VWCE: variants seen among roughly 807,000 people sequenced by gnomAD.
The protein encoded by VWCE is von Willebrand factor C and EGF domains.
VWCE carries 68 observed loss-of-function variants against 102.9 expected under a neutral mutation model. That is an observed-to-expected ratio of 0.66 (90% CI 0.54 to 0.81). The LOEUF (loss-of-function observed/expected upper bound fraction) is 0.81. Among genes scored for constraint, VWCE ranks in the 30% least tolerant of loss-of-function variants. The pLI, the probability that VWCE is intolerant of heterozygous loss-of-function variation, is 0.00. For synonymous variants in VWCE, 497 were observed against 515.4 expected, an observed-to-expected ratio of 0.96 and a Z score of 0.48; for missense variants, 1,137 against 1,263.6, an observed-to-expected ratio of 0.90 and a Z score of 1.52.
At position 61,264,949 on chromosome 11, in the gene VWCE, A is replaced by G. The variant is rs1854466531; in HGVS notation, c.2139+7T>C. The G allele has an allele frequency of 6.2e-7, 1 of 1,613,356 alleles. No individual in the cohort carries two copies. The highest frequency in any genetic ancestry group is 1.1e-5 in the South Asian group (1 of 91,068). On this transcript the variant is annotated splice_region_variant and intron_variant, in intron 18 of 19. Coordinates refer to ENST00000335613, the MANE Select transcript of VWCE (RefSeq NM_152718.2). ...GGGCCGCTCCTGGGTTCCCAGGCCC[A>G]GCTCACCTGGCACGTGCACCGGGTG...
At chr11:61,262,896 G>A (rs1048048411) in intron 19 of VWCE, among the ~76,000 whole-genome samples, 4 of 152,244 alleles carry the variant, frequency 2.6e-5, no homozygotes, top group African/African-American at 9.6e-5. Context: ...CTGCAGTCCT[G>A]TGTTCACTGT....
Position 61,258,434 on chromosome 11 carries a change from G to C in VWCE, c.*241C>G. 7.9e-6 allele frequency: 3 copies of C among 380,022 alleles called. No homozygotes were observed. Among genetic ancestry groups the C allele is most frequent in the Non-Finnish European group, 9.1e-6 (2 of 220,310 alleles). 23.5% of individuals were successfully genotyped at this position (380,022 alleles called of 1,614,324 possible). On this transcript the variant is annotated 3_prime_UTR_variant, in exon 20 of 20. Coordinates refer to ENST00000335613, the MANE Select transcript of VWCE (RefSeq NM_152718.2). ...CCAACCCTTCTCAAAAGATGAGCCA[G>C]CCACGCGGTCCAGGGAGGATGCTGA... is the stretch of plus-strand genomic sequence containing the variant.
In VWCE at chr11:61,267,880, T is replaced by A. The variant is rs557204628; in HGVS notation, c.1883-336A>T. ...GAGGTGTGTGTGAGGCCCCACAGCA[T>A]CTTCCCAACCTCCTCTCTGCCCTCC... On this transcript the variant is annotated intron_variant, in intron 15 of 19. Coordinates refer to ENST00000335613, the MANE Select transcript of VWCE (RefSeq NM_152718.2). 2.0e-5 allele frequency among the ~76,000 whole-genome samples: 3 copies of A among 152,008 alleles called. No homozygotes were observed. The South Asian group carries it at 6.2e-4, about 32-fold the overall frequency.
rs773833904 is a variant in VWCE, at chr11:61,265,028, G to A, written c.2067C>T (p.Tyr689=). The A allele has an allele frequency of 2.2e-5, 35 of 1,614,002 alleles. No individual in the cohort carries two copies. Among genetic ancestry groups the A allele is most frequent in the African/African-American group, 1.5e-4 (11 of 74,916 alleles). ...GGCCATTCGCCACCTTCCTTCCCTC[G>A]TAGTTGCAGTCTGTGGAGGAAGGGG... The part of the protein sequence containing the change: ...ECCPVCRDCN[Y]EGRKVANGQV... The change falls in exon 18 of 20, where the codon TAC becomes TAT. Residue 689 remains tyrosine (Y), a synonymous_variant. Transcript: ENST00000335613.
chr11:61,282,636 G>A (rs917541280), intron 6 of VWCE, 153 bp downstream of exon 6: 32 of 670,104 alleles, frequency 4.8e-5, no homozygotes, highest in Non-Finnish European at 8.5e-5. Flanking sequence ...CCAACCCCAG[G>A]GACAGGCAGG....
In VWCE at chr11:61,280,802, G is replaced by C. The variant is rs774405071; in HGVS notation, c.1221C>G (p.Cys407Trp). 1.3e-6 allele frequency: 2 copies of C among 1,593,372 alleles called. No homozygotes were observed. The highest frequency in any genetic ancestry group is 1.7e-6 in the Non-Finnish European group (2 of 1,169,848). ...GACCCCTAGTACCCACCTCGCACCAGCACTGGGAACACCCAGGCTCTGTCC... is the reference window on the plus strand; with the variant it reads ...GACCCCTAGTACCCACCTCGCACCACCACTGGGAACACCCAGGCTCTGTCC... The part of the protein sequence containing the change: ...SRWTEPGCSQ[C>W]WCEDGKVTCE... Residue 407 changes from cysteine (C) to tryptophan (W), a missense_variant, in exon 8 of 20, where the codon TGC (cysteine) becomes TGG (tryptophan). Coordinates refer to ENST00000335613, the MANE Select transcript of VWCE (RefSeq NM_152718.2).
Position 61,272,484 on chromosome 11 carries a change from TACAC to T in VWCE, c.1699+711_1699+714del, listed in dbSNP as rs529781090. 3.8e-3 allele frequency among the ~76,000 whole-genome samples: 553 copies of T among 145,072 alleles called. 2 individuals carry two copies. The highest frequency in any genetic ancestry group is 6.5e-3 in the Non-Finnish European group (428 of 65,614). ...AGACACACTCATACTACACAAAACATACACATACATGCTCATACACAAAGACACA... is the reference window on the plus strand; with the variant it reads ...AGACACACTCATACTACACAAAACATATACATGCTCATACACAAAGACACA... On this transcript the variant is annotated intron_variant, in intron 13 of 19. Coordinates refer to ENST00000335613, the MANE Select transcript of VWCE (RefSeq NM_152718.2).
intron 1 of VWCE, among the ~76,000 whole-genome samples, chr11:61,293,914 T>G (rs777737704): frequency 3.9e-5 from 6 of 152,134 alleles, no homozygotes; most frequent in South Asian, 2.1e-4. Flanking sequence ...TGGCGGGAGC[T>G]GGCAGTGAAG....
chr11:61,291,269 C>A lies in VWCE; in HGVS notation c.290G>T (p.Cys97Phe). 2 of 1,582,048 alleles carry A rather than the reference C, an allele frequency of 1.3e-6. No individual in the cohort carries two copies. The highest frequency in any genetic ancestry group is 8.6e-7 in the Non-Finnish European group (1 of 1,162,748). The change falls in exon 3 of 20, where the codon TGC becomes TTC. Residue 97 changes from cysteine (C) to phenylalanine (F), a missense_variant. Transcript: ENST00000335613. ...SCQDGEQGAT[C>F]PETHGPCGEY... is the part of the protein sequence containing the mutation. The stretch of plus-strand genomic sequence containing the variant: ...CCCTTCCCATCCCCAGTTACCTGGG[C>A]AGGTGGCCCCTTGCTCTCCATCCTG...
intron 5 of VWCE, among the ~76,000 whole-genome samples, chr11:61,284,742 G>A (rs201613770): frequency 6.6e-6 from 1 of 151,976 alleles, no homozygotes; most frequent in African/African-American, 2.4e-5. Context: ...GAGGTCAGGA[G>A]TTCAAGACCA....
chr11:61,272,549 GAC>G (rs138162210), intron 13 of VWCE, among the ~76,000 whole-genome samples: 6 of 150,330 alleles, frequency 4.0e-5, no homozygotes, highest in East Asian at 2.0e-4. Flanking sequence ...TTAACACACT[GAC>G]ACACACACAC....
rs770509107 is a variant in VWCE at position 61,274,536 on chromosome 11, C to T, written c.1544G>A (p.Ser515Asn). 2 of 1,613,866 alleles carry T rather than the reference C, an allele frequency of 1.2e-6. No individual in the cohort carries two copies. The highest frequency in any genetic ancestry group is 2.2e-5 in the South Asian group (2 of 90,990). The change falls in exon 12 of 20, where the codon AGT (serine) becomes AAT (asparagine). Residue 515 changes from serine (S) to asparagine (N), a missense_variant. By Grantham distance (46) the Ser-to-Asn change is conservative. This residue lies in a region of VWCE where 212 missense variants were observed against 235.1 expected (regional missense o/e 0.90). Coordinates refer to ENST00000335613, the MANE Select transcript of VWCE (RefSeq NM_152718.2). ...GRWYADGAVF[S>N]GGGDECTTCV... is the part of the protein sequence containing the mutation. ...GGTGGTACACTCGTCACCACCCCCA[C>T]TGAACACAGCCCCGTCTGCGTACCA...
rs796723545 is a variant in VWCE, at chr11:61,274,481, G to A, written c.1581+18C>T. On this transcript the variant is annotated intron_variant, in intron 12 of 19. Coordinates refer to ENST00000335613, the MANE Select transcript of VWCE (RefSeq NM_152718.2). ...TCTCCATCAATTCCACAGGCTTTGG[G>A]ACGCTCAGCCACCATACCTGGCAAA... 5.6e-6 allele frequency: 9 copies of A among 1,611,200 alleles called. No homozygotes were observed. In the African/African-American group the frequency reaches 8.0e-5, roughly 14 times the overall value.
At chr11:61,269,741 C>T (rs1464449204) in intron 14 of VWCE, among the ~76,000 whole-genome samples, 10 of 151,872 alleles carry the variant, frequency 6.6e-5, no homozygotes, top group Non-Finnish European at 1.2e-4. Flanking sequence ...CCACCGCAAC[C>T]GGCCTCTTTT....
At chr11:61,260,976 G>A (rs1590606009) in intron 19 of VWCE, among the ~76,000 whole-genome samples, 3 of 152,180 alleles carry the variant, frequency 2.0e-5, no homozygotes, top group Admixed American at 2.0e-4. Context: ...CATAATCCCA[G>A]CATTTTGGGA....
intron 4 of VWCE, among the ~76,000 whole-genome samples, chr11:61,290,084 C>G (rs543118862): frequency 2.0e-5 from 3 of 152,206 alleles, no homozygotes; most frequent in Admixed American, 1.3e-4. Context: ...AAGGAGCCTC[C>G]CCTGGCCAAC....
chr11:61,264,738 C>T (rs1368825735), intron 18 of VWCE, among the ~76,000 whole-genome samples, 161 bp from the exon 19 acceptor site: 1 of 152,232 alleles, frequency 6.6e-6, no homozygotes, highest in Non-Finnish European at 1.5e-5. Flanking sequence ...GTAAAGCCAG[C>T]TATGGCAGGA....
At chr11:61,289,862 T>G (rs987494508) in intron 4 of VWCE, among the ~76,000 whole-genome samples, 4 of 152,222 alleles carry the variant, frequency 2.6e-5, no homozygotes, top group African/African-American at 9.7e-5. Context: ...GCTTTTCTAT[T>G]CAGGGGGAGA....
rs769181650 is a variant in VWCE, at chr11:61,281,156, A to C, written c.867T>G (p.Pro289=). The part of the protein sequence containing the change: ...QHPSKMLLLL[P]EAGRPALSPG... ...GGGACAGGGCAGGCCGGCCGGCCTCAGGAAGCAACAGAAGCATCTTGGACG... is the reference window on the plus strand; with the variant it reads ...GGGACAGGGCAGGCCGGCCGGCCTCCGGAAGCAACAGAAGCATCTTGGACG... The change falls in exon 8 of 20, where the codon CCT becomes CCG. Residue 289 remains proline, a synonymous_variant. Coordinates refer to ENST00000335613, the MANE Select transcript of VWCE (RefSeq NM_152718.2). 1 of 1,613,734 alleles carries C rather than the reference A, an allele frequency of 6.2e-7. No individual in the cohort carries two copies. Among genetic ancestry groups the C allele is most frequent in the South Asian group, 1.1e-5 (1 of 91,060 alleles).
Sources: gnomAD v4.1 joint callset for allele counts (sites outside exome capture counted in the v4.1 genomes callset) on GRCh38, gnomAD v4.1.1 for gene constraint, gnomAD v4.1.1 regional missense constraint, MANE v1.5 for transcripts, NCBI Gene and HGNC (gene_info 2026-07-23, HGNC 2026-07-21) for gene names.